Variants in OLFM2 observed in about 807,000 individuals in gnomAD.
The protein encoded by OLFM2 is noelin-2.
Under a neutral mutation model 43.9 loss-of-function variants are expected in OLFM2, and 20 were observed. The observed-to-expected ratio is 0.46, with a 90% CI of 0.32 to 0.66. The LOEUF is 0.66. OLFM2 is among the 30% of genes least tolerant of loss of function. The pLI is 0.04. For missense variants in OLFM2, 416 were observed against 643.6 expected, an observed-to-expected ratio of 0.65 and a Z score of 3.83; for synonymous variants, 268 against 278.6, an observed-to-expected ratio of 0.96 and a Z score of 0.38.
intron 1 of OLFM2, among the ~76,000 whole-genome samples, chr19:9,901,058 G>A (rs1394991285): frequency 1.3e-5 from 1 of 79,654 alleles, no homozygotes; most frequent in African/African-American, 5.1e-5. Flanking sequence ...AAGGGAGGGA[G>A]GGAGGGAAGG....
chr19:9,909,278 T>C (rs774765398), intron 1 of OLFM2, among the ~76,000 whole-genome samples: 2 of 152,124 alleles, frequency 1.3e-5, no homozygotes, highest in Non-Finnish European at 2.9e-5. Flanking sequence ...GTCAAGGGTA[T>C]AACATACAAG....
At chr19:9,908,176 C>T (rs1278486255) in intron 1 of OLFM2, among the ~76,000 whole-genome samples, 1 of 152,112 alleles carries the variant, frequency 6.6e-6, no homozygotes, top group Non-Finnish European at 1.5e-5. Flanking sequence ...TCCAACATGC[C>T]AGGCGTGGTG....
rs189683226 is a variant in OLFM2, at chr19:9,887,582, C to T, written c.64-26788G>A. Among the ~76,000 whole-genome samples, 397 of 152,226 alleles carry T rather than the reference C, an allele frequency of 2.6e-3. 4 individuals carry two copies. Among genetic ancestry groups the T allele is most frequent in the African/African-American group, 9.4e-3 (389 of 41,540 alleles). On this transcript the variant is annotated intron_variant, in intron 1 of 5. Transcript: ENST00000264833. Reference sequence around the variant, plus strand: ...CCATGGTCAAGCCCCTGGCATTGCTCACCTGAACCAGCAGAGTTCATCCCT... The same window carrying T: ...CCATGGTCAAGCCCCTGGCATTGCTTACCTGAACCAGCAGAGTTCATCCCT...
intron 1 of OLFM2, among the ~76,000 whole-genome samples, chr19:9,917,335 G>A (rs966618461): frequency 2.0e-5 from 3 of 152,052 alleles, no homozygotes; most frequent in Non-Finnish European, 2.9e-5. Context: ...CACCATTCCC[G>A]GTCCTTTATT....
intron 1 of OLFM2, among the ~76,000 whole-genome samples, chr19:9,909,020 T>G (rs953280027): frequency 6.6e-6 from 1 of 151,950 alleles, no homozygotes; most frequent in Non-Finnish European, 1.5e-5. Flanking sequence ...TTTAATTTTT[T>G]GTAGAGACAG....
At chr19:9,870,307 A>G (rs1239625905) in intron 1 of OLFM2, among the ~76,000 whole-genome samples, 1 of 152,154 alleles carries the variant, frequency 6.6e-6, no homozygotes, top group Non-Finnish European at 1.5e-5. Context: ...TCTTGACACA[A>G]TAAAAAGGAT....
At position 9,860,900 on chromosome 19, in the gene OLFM2, G is replaced by A. The variant is rs1057283463; in HGVS notation, c.64-106C>T. 5.8e-6 allele frequency: 7 copies of A among 1,198,710 alleles called. No individual in the cohort carries two copies. The African/African-American group carries it at 1.1e-4, about 18-fold the overall frequency. The allele number at this position is 1,198,710 out of a possible 1,614,324, so 74.3% of individuals were successfully genotyped here. ...GGAAACCACAGATGCCCTTTGCTGG[G>A]CTCCGGGCATATGCCAGTGCCTGTT... On this transcript the variant is annotated intron_variant, in intron 1 of 5. Coordinates refer to ENST00000264833, the MANE Select transcript of OLFM2 (RefSeq NM_058164.4).
chr19:9,912,795 G>C (rs2046837956), intron 1 of OLFM2, among the ~76,000 whole-genome samples: 1 of 152,004 alleles, frequency 6.6e-6, no homozygotes. Flanking sequence ...CAGGGAGGGT[G>C]AGTTATGGGG....
chr19:9,919,176 C>CTTTTTTTTTTTT (rs36124685), intron 1 of OLFM2, among the ~76,000 whole-genome samples: 2,181 of 149,090 alleles, frequency 0.015, 56 homozygotes, highest in African/African-American at 0.052. Flanking sequence ...ATTTCTCTCT[C>CTTTTTTTTTTTT]TTTTTTTTGA....
Position 9,857,441 on chromosome 19 carries a change from C to T in OLFM2, c.402G>A (p.Ser134=), listed in dbSNP as rs35313681. 5 of 1,614,058 alleles carry T rather than the reference C, an allele frequency of 3.1e-6. No individual in the cohort carries two copies. Among genetic ancestry groups the T allele is most frequent in the East Asian group, 2.2e-5 (1 of 44,874 alleles). The change falls in exon 4 of 6, where the codon TCG becomes TCA. Residue 134 remains serine, a synonymous_variant. Coordinates refer to ENST00000264833, the MANE Select transcript of OLFM2 (RefSeq NM_058164.4). The surrounding 1 kb of genome is among the most constrained non-coding windows in gnomAD (Gnocchi z 5.7). ...DRMTELLPLS[S]VLEQYKADTR... is the part of the protein sequence containing the mutation. The stretch of plus-strand genomic sequence containing the variant: ...TGTCTGCCTTGTACTGCTCCAGGAC[C>T]GAGCTCAGGGGCAACAGTTCCGTCA...
At chr19:9,874,328 CTTT>C (rs35985373) in intron 1 of OLFM2, among the ~76,000 whole-genome samples, 105 of 120,260 alleles carry the variant, frequency 8.7e-4, no homozygotes, top group Non-Finnish European at 1.5e-3. Context: ...CCCCACTGGC[CTTT>C]TTTTTTTTTT....
chr19:9,908,200 C>T (rs577081192), intron 1 of OLFM2, among the ~76,000 whole-genome samples: 9 of 152,148 alleles, frequency 5.9e-5, no homozygotes, highest in Non-Finnish European at 1.2e-4. Flanking sequence ...TCATAGCTCA[C>T]TGTAGCCTCC....
rs2046299278 is a variant in OLFM2, at chr19:9,854,643, C to G, written c.908G>C (p.Ser303Thr). 6.2e-7 allele frequency: 1 copy of G among 1,614,060 alleles called. No homozygotes were observed. ...GTTGTTGTAACCGGCGCCCGGGAGG[C>G]TCCTCTGCACCAGCACAGAGCGCGA... Reference protein sequence around the residue: ...FRSRSVLVQRSLPGAGYNNTF... With the variant: ...FRSRSVLVQRTLPGAGYNNTF... The change falls in exon 6 of 6, where the codon AGC (serine) becomes ACC (threonine). Residue 303 changes from serine to threonine, a missense_variant. Physicochemically the swap from Ser to Thr is moderately conservative, Grantham distance 58. Coordinates refer to ENST00000264833, the MANE Select transcript of OLFM2 (RefSeq NM_058164.4). The surrounding 1 kb of genome is among the most constrained non-coding windows in gnomAD (Gnocchi z 9.5).
At chr19:9,936,086 A>G (rs1030843235) in intron 1 of OLFM2, among the ~76,000 whole-genome samples, 1 of 143,854 alleles carries the variant, frequency 7.0e-6, no homozygotes, top group African/African-American at 2.5e-5. Context: ...CCACCCCCCA[A>G]ACCAGCCCAG....
intron 1 of OLFM2, among the ~76,000 whole-genome samples, chr19:9,904,439 C>T (rs1025242485): frequency 3.9e-5 from 6 of 151,968 alleles, no homozygotes; most frequent in Non-Finnish European, 7.4e-5. Context: ...GATCCACCCA[C>T]GTCTGCCTCC....
chr19:9,882,962 G>A (rs1371346566), intron 1 of OLFM2, among the ~76,000 whole-genome samples: 4 of 151,838 alleles, frequency 2.6e-5, no homozygotes, highest in Non-Finnish European at 5.9e-5. Context: ...ACTTTGGGAG[G>A]CCAAGGTGGG....
chr19:9,857,454 A>G lies in OLFM2; in HGVS notation c.389T>C (p.Leu130Ser). The G allele has an allele frequency of 6.2e-7, 1 of 1,614,012 alleles. No homozygotes were observed. The highest frequency in any genetic ancestry group is 8.5e-7 in the Non-Finnish European group (1 of 1,180,032). Residue 130 changes from leucine (L) to serine (S), a missense_variant, in exon 4 of 6, where the codon TTG becomes TCG. Leu to Ser is a moderately radical substitution (Grantham distance 145). Coordinates refer to ENST00000264833, the MANE Select transcript of OLFM2 (RefSeq NM_058164.4). This position sits in a 1 kb window ranked among gnomAD's most constrained non-coding sequence, Gnocchi z 5.7. ...CTGCTCCAGGACCGAGCTCAGGGGCAACAGTTCCGTCATCCTGTCCTTCAG... is the reference window on the plus strand; with the variant it reads ...CTGCTCCAGGACCGAGCTCAGGGGCGACAGTTCCGTCATCCTGTCCTTCAG... ...QELKDRMTELLPLSSVLEQYK... is the reference protein window; with the variant it reads ...QELKDRMTELSPLSSVLEQYK...
chr19:9,854,912 A>C lies in OLFM2; in HGVS notation c.688-49T>G, dbSNP rs1329366626. 1 of 1,425,310 alleles carries C rather than the reference A, an allele frequency of 7.0e-7. No individual in the cohort carries two copies. The allele number at this position is 1,425,310 out of a possible 1,614,324, so 88.3% of individuals were successfully genotyped here. On this transcript the variant is annotated intron_variant, in intron 5 of 5. Coordinates refer to ENST00000264833, the MANE Select transcript of OLFM2 (RefSeq NM_058164.4). This position sits in a 1 kb window ranked among gnomAD's most constrained non-coding sequence, Gnocchi z 9.5. ...TGGGGGGAACCACCACCAACGACCC[A>C]AGGGTCCCAGCACCAGCTACAGCCA...
chr19:9,854,087 C>T lies in OLFM2; in HGVS notation c.*99G>A. On this transcript the variant is annotated 3_prime_UTR_variant, in exon 6 of 6. Coordinates refer to ENST00000264833, the MANE Select transcript of OLFM2 (RefSeq NM_058164.4). The surrounding 1 kb of genome is among the most constrained non-coding windows in gnomAD (Gnocchi z 9.5). ...AAAAAGGCGGGGAGAAAGGGCGTGA[C>T]AGAGACAGAGAGATCACCCTTGAGG... The T allele has an allele frequency of 9.2e-7, 1 of 1,086,870 alleles. No individual in the cohort carries two copies. Among genetic ancestry groups the T allele is most frequent in the East Asian group, 2.5e-5 (1 of 39,330 alleles). The allele number at this position is 1,086,870 out of a possible 1,614,324, so 67.3% of individuals were successfully genotyped here. A position where few individuals can be genotyped will look rare whatever the true frequency, so the allele number is the denominator to read the frequency against.
Sources: gnomAD v4.1 joint callset for allele counts (sites outside exome capture counted in the v4.1 genomes callset) on GRCh38, gnomAD v4.1.1 for gene constraint, Gnocchi (gnomAD v3.1) non-coding constraint, MANE v1.5 for transcripts, NCBI Gene and HGNC (gene_info 2026-07-23, HGNC 2026-07-21) for gene names.